The following STPG2 variants were observed in gnomAD, a reference collection of about 807,000 sequenced individuals.
The protein encoded by STPG2 is sperm tail PG-rich repeat containing 2, also known as sperm-tail PG-rich repeat-containing protein 2.
STPG2 carries 56 observed loss-of-function variants against 54.2 expected under a neutral mutation model. The observed-to-expected ratio is 1.03, with a 90% CI of 0.83 to 1.29. The LOEUF (loss-of-function observed/expected upper bound fraction) is 1.29. Ranked by LOEUF, STPG2 falls within the 50% of genes most tolerant of loss-of-function variation. STPG2 has a pLI of 0.00. For missense variants in STPG2, 596 were observed against 544.9 expected, an observed-to-expected ratio of 1.09 and a Z score of -0.93; for synonymous variants, 200 against 181.8, an observed-to-expected ratio of 1.10 and a Z score of -0.81.
intron 4 of STPG2, among the ~76,000 whole-genome samples, chr4:97,452,910 C>T (rs1212215184): frequency 6.6e-6 from 1 of 152,182 alleles, no homozygotes; most frequent in Non-Finnish European, 1.5e-5. Context: ...TTCTATTGCT[C>T]AATATAACTT....
intron 10 of STPG2, among the ~76,000 whole-genome samples, chr4:97,596,559 C>T (rs996124545): frequency 6.6e-6 from 1 of 151,876 alleles, no homozygotes. Context: ...ATCATACCAC[C>T]CACACTCTCA....
intron 9 of STPG2, among the ~76,000 whole-genome samples, chr4:97,766,105 A>G (rs1250650965): frequency 1.3e-5 from 2 of 152,224 alleles, no homozygotes; most frequent in South Asian, 2.1e-4. Context: ...AGAGGATTCA[A>G]ATATTGGTTG....
intron 4 of STPG2, among the ~76,000 whole-genome samples, chr4:98,108,829 A>G (rs6851253): frequency 0.39 from 59,943 of 151,756 alleles, 12,081 homozygotes; most frequent in Middle Eastern, 0.46. Context: ...GAGTTAATGC[A>G]TATATAGTAG....
chr4:97,830,042 C>T (rs1202681749), intron 9 of STPG2, among the ~76,000 whole-genome samples: 1 of 151,958 alleles, frequency 6.6e-6, no homozygotes, highest in African/African-American at 2.4e-5. Flanking sequence ...AGATACTACT[C>T]GAGAAGAGAA....
intron 3 of STPG2, 117 bp from the exon 4 acceptor site, chr4:98,109,422 T>A (rs1458972235): frequency 1.4e-6 from 1 of 701,840 alleles, no homozygotes; most frequent in South Asian, 2.1e-5. Flanking sequence ...AGTAAGGGGG[T>A]TCCACTGGTA....
chr4:97,703,147 A>G (rs1489507196), intron 10 of STPG2, among the ~76,000 whole-genome samples: 1 of 152,050 alleles, frequency 6.6e-6, no homozygotes, highest in African/African-American at 2.4e-5. Context: ...GCAGTGAATC[A>G]GGAGTGTCAA....
At chr4:97,614,298 A>C (rs1733805691) in intron 10 of STPG2, among the ~76,000 whole-genome samples, 1 of 148,460 alleles carries the variant, frequency 6.7e-6, no homozygotes, top group Non-Finnish European at 1.5e-5. Context: ...CTCTAAAGAG[A>C]TTTTTTTTTT....
chr4:98,023,240 G>A (rs1426142554), intron 5 of STPG2, among the ~76,000 whole-genome samples: 1 of 152,228 alleles, frequency 6.6e-6, no homozygotes, highest in Non-Finnish European at 1.5e-5. Flanking sequence ...CTAACAGACA[G>A]GACCCTCAGC....
intron 5 of STPG2, among the ~76,000 whole-genome samples, chr4:98,053,872 T>A (rs982926996): frequency 2.6e-5 from 4 of 152,150 alleles, no homozygotes; most frequent in Admixed American, 2.0e-4. Flanking sequence ...ATCCGCAAAT[T>A]CATTTGTTGG....
intron 10 of STPG2, among the ~76,000 whole-genome samples, chr4:97,682,052 CAT>C: frequency 6.6e-6 from 1 of 151,840 alleles, no homozygotes; most frequent in East Asian, 1.9e-4. Flanking sequence ...GTAATATAGA[CAT>C]GTGTCTGCTT....
At chr4:97,505,178 G>A (rs1730817649) in intron 4 of STPG2, among the ~76,000 whole-genome samples, 1 of 151,910 alleles carries the variant, frequency 6.6e-6, no homozygotes, top group African/African-American at 2.4e-5. Flanking sequence ...ATATGTGAAG[G>A]AGCTAATGCT....
At chr4:97,920,648 G>A (rs1732064393) in intron 8 of STPG2, among the ~76,000 whole-genome samples, 1 of 152,098 alleles carries the variant, frequency 6.6e-6, no homozygotes, top group Non-Finnish European at 1.5e-5. Context: ...AATGAAGGGT[G>A]TAGATTATTC....
intron 10 of STPG2, among the ~76,000 whole-genome samples, chr4:97,602,481 G>A (rs925072047): frequency 4.6e-5 from 7 of 151,518 alleles, no homozygotes; most frequent in African/African-American, 9.7e-5. Context: ...AAAATATCAC[G>A]CATCTTTTTC....
intron 9 of STPG2, among the ~76,000 whole-genome samples, chr4:97,732,938 G>A (rs1373674160): frequency 6.6e-6 from 1 of 152,054 alleles, no homozygotes; most frequent in Non-Finnish European, 1.5e-5. Context: ...AAAAACCATA[G>A]ATGTTGACCT....
chr4:97,940,755 A>G (rs923470064), intron 8 of STPG2, among the ~76,000 whole-genome samples: 7 of 152,172 alleles, frequency 4.6e-5, no homozygotes, highest in African/African-American at 2.4e-5. Context: ...TTATATTATC[A>G]TTATTATTCC....
At chr4:97,677,813 C>T (rs1722896628) in intron 10 of STPG2, among the ~76,000 whole-genome samples, 1 of 152,122 alleles carries the variant, frequency 6.6e-6, no homozygotes, top group Non-Finnish European at 1.5e-5. Context: ...CCATATGAGC[C>T]TTAAGCTCCC....
At chr4:97,781,679 A>C (rs113880500) in intron 9 of STPG2, among the ~76,000 whole-genome samples, 3,082 of 152,250 alleles carry the variant, frequency 0.02, 99 homozygotes, top group African/African-American at 0.071. Context: ...TGCAAAAATC[A>C]TGAATAAAAT....
chr4:97,646,513 G>A (rs1721915274), intron 10 of STPG2, among the ~76,000 whole-genome samples: 1 of 151,968 alleles, frequency 6.6e-6, no homozygotes, highest in Non-Finnish European at 1.5e-5. Context: ...GATCTATAAT[G>A]GAAACCAGGA....
chr4:98,118,706 G>T (rs1325568488), intron 3 of STPG2, among the ~76,000 whole-genome samples: 1 of 152,140 alleles, frequency 6.6e-6, no homozygotes, highest in Non-Finnish European at 1.5e-5. Flanking sequence ...AGAAGTGGCT[G>T]ATTGCAAGGC....
Sources: allele counts gnomAD v4.1 joint callset (sites outside exome capture counted in the v4.1 genomes callset), GRCh38; gene constraint gnomAD v4.1.1; transcripts MANE v1.5; gene names NCBI Gene and HGNC (gene_info 2026-07-23, HGNC 2026-07-21).